The following ASTN2 variants were observed in gnomAD, a reference collection of about 807,000 sequenced individuals.
ASTN2 encodes astrotactin 2, also known as astrotactin-2.
In ASTN2, 54 loss-of-function variants were observed where a neutral mutation model predicts 139.8. The ratio of observed to expected loss-of-function variants is 0.39; its 90% CI spans 0.31 to 0.48. ASTN2 has a LOEUF of 0.48. Ranked by LOEUF, ASTN2 falls within the 20% of genes least tolerant of loss-of-function variation. ASTN2 has a pLI of 0.95. For missense variants in ASTN2, 1,565 were observed against 1,725.1 expected (o/e 0.91, Z 1.64); for synonymous variants, 756 against 719.5 (o/e 1.05, Z -0.81).
At chr9:117,377,923 G>C (rs1039452004) in intron 1 of ASTN2, among the ~76,000 whole-genome samples, 1 of 152,094 alleles carries the variant, frequency 6.6e-6, no homozygotes, top group Non-Finnish European at 1.5e-5. Context: ...CATACATGTG[G>C]CTATAATTAA....
At chr9:116,813,081 A>G (rs1831211207) in intron 12 of ASTN2, among the ~76,000 whole-genome samples, 1 of 152,154 alleles carries the variant, frequency 6.6e-6, no homozygotes, top group East Asian at 1.9e-4. Context: ...ACATTCTGTC[A>G]TCTGGGAGAT....
rs1316246232 is a variant in ASTN2, at chr9:116,675,935, G to A, written c.2807-24142C>T. On this transcript the variant is annotated intron_variant, in intron 16 of 22. Transcript: ENST00000313400. ...CTTTGCCAGGTTGACATTGCGTGCT[G>A]AACAAGGTGACTAATGTCTGTTTTG... Among the ~76,000 whole-genome samples the A allele has an allele frequency of 2.6e-5, 4 of 152,326 alleles. No homozygotes were observed. In the East Asian group the frequency reaches 7.7e-4, roughly 29 times the overall value.
chr9:117,165,177 A>G (rs1472176861), intron 3 of ASTN2, among the ~76,000 whole-genome samples: 8 of 151,710 alleles, frequency 5.3e-5, no homozygotes, highest in African/African-American at 1.9e-4. Flanking sequence ...TGCCTATTCC[A>G]TCCCTCTCCC....
rs377188702 is a variant in ASTN2 at position 116,425,708 on chromosome 9, G to A, written c.*143C>T. On this transcript the variant is annotated 3_prime_UTR_variant, in exon 23 of 23. Coordinates refer to ENST00000313400, the MANE Select transcript of ASTN2 (RefSeq NM_001365068.1). ...CTGTCCACTATCCACAGGAGAAACC[G>A]TTTGCTTTGGCCTTGCTGGCAAGCT... 9.2e-5 allele frequency: 148 copies of A among 1,606,874 alleles called. No homozygotes were observed. Among genetic ancestry groups the A allele is most frequent in the East Asian group, 1.1e-4 (5 of 44,696 alleles).
At chr9:116,486,741 T>C (rs1849351393) in intron 20 of ASTN2, among the ~76,000 whole-genome samples, 1 of 152,164 alleles carries the variant, frequency 6.6e-6, no homozygotes, top group Admixed American at 6.5e-5. Context: ...AAGTAACAAA[T>C]GAGCTCCTTT....
At chr9:117,058,798 A>G (rs1392125717) in intron 5 of ASTN2, among the ~76,000 whole-genome samples, 2 of 152,184 alleles carry the variant, frequency 1.3e-5, no homozygotes, top group Non-Finnish European at 2.9e-5. Flanking sequence ...GTACAGAAGA[A>G]TAGGGGGACA....
intron 12 of ASTN2, among the ~76,000 whole-genome samples, chr9:116,809,059 A>G (rs1831100242): frequency 6.6e-6 from 1 of 152,008 alleles, no homozygotes; most frequent in Admixed American, 6.6e-5. Context: ...CCTTCCATAT[A>G]TATTAAAATT....
chr9:116,869,663 G>A (rs570080506), intron 10 of ASTN2, among the ~76,000 whole-genome samples: 5 of 152,216 alleles, frequency 3.3e-5, no homozygotes, highest in African/African-American at 9.6e-5. Flanking sequence ...ACAGAGCTTG[G>A]CAAACTTTTC....
At chr9:116,979,996 A>G (rs1258106708) in intron 7 of ASTN2, among the ~76,000 whole-genome samples, 3 of 152,168 alleles carry the variant, frequency 2.0e-5, no homozygotes, top group African/African-American at 7.2e-5. Context: ...ACTGATGCTC[A>G]TTATACAACA....
At chr9:116,586,427 G>A (rs759354946) in intron 19 of ASTN2, 2 of 152,072 alleles carry the variant, frequency 1.3e-5, no homozygotes, top group Non-Finnish European at 2.9e-5. Flanking sequence ...TAAAGAAAAT[G>A]TAGTACATAC....
chr9:117,298,275 G>A (rs1164938328), intron 1 of ASTN2, among the ~76,000 whole-genome samples: 5 of 152,208 alleles, frequency 3.3e-5, no homozygotes, highest in Admixed American at 1.3e-4. Flanking sequence ...TTTATATAAC[G>A]TACCACATAT....
intron 1 of ASTN2, among the ~76,000 whole-genome samples, chr9:117,411,879 C>A (rs186510716): frequency 3.9e-5 from 6 of 152,156 alleles, no homozygotes; most frequent in Admixed American, 6.5e-5. Flanking sequence ...CAGAGACAAA[C>A]GTTAGGCAGG....
intron 7 of ASTN2, among the ~76,000 whole-genome samples, chr9:116,996,160 A>C (rs1438050182): frequency 1.3e-5 from 2 of 152,036 alleles, no homozygotes; most frequent in Non-Finnish European, 2.9e-5. Context: ...AAAGTGCTGG[A>C]TTACAAGTGT....
intron 3 of ASTN2, among the ~76,000 whole-genome samples, chr9:117,161,076 T>C (rs993145554): frequency 3.3e-5 from 5 of 152,058 alleles, no homozygotes; most frequent in African/African-American, 1.2e-4. Context: ...ATCTTATCTA[T>C]GTAATTGGTT....
intron 10 of ASTN2, among the ~76,000 whole-genome samples, chr9:116,966,363 C>T (rs1332550337): frequency 6.6e-6 from 1 of 152,168 alleles, no homozygotes; most frequent in Admixed American, 6.5e-5. Context: ...ATTCCAAAGT[C>T]TCCATTTCAG....
At chr9:117,283,779 G>A (rs1390215803) in intron 2 of ASTN2, among the ~76,000 whole-genome samples, 1 of 152,106 alleles carries the variant, frequency 6.6e-6, no homozygotes, top group African/African-American at 2.4e-5. Context: ...GTAACAGCTT[G>A]GCTTCTCCTA....
intron 12 of ASTN2, among the ~76,000 whole-genome samples, chr9:116,820,378 G>C (rs1831452664): frequency 6.6e-6 from 1 of 152,150 alleles, no homozygotes. Context: ...CTGGGCATGG[G>C]TTATATTTAT....
chr9:117,365,553 G>A (rs979218112), intron 1 of ASTN2, among the ~76,000 whole-genome samples: 1 of 152,100 alleles, frequency 6.6e-6, no homozygotes, highest in Non-Finnish European at 1.5e-5. Context: ...GGGCTCTGGA[G>A]AGCCCTTCCT....
intron 1 of ASTN2, among the ~76,000 whole-genome samples, chr9:117,334,168 G>T (rs1237514849): frequency 1.3e-5 from 2 of 152,176 alleles, no homozygotes; most frequent in African/African-American, 4.8e-5. Flanking sequence ...TCAGTAGGGG[G>T]CTACAGTTGG....
Sources: allele counts gnomAD v4.1 joint callset (sites outside exome capture counted in the v4.1 genomes callset), GRCh38; gene constraint gnomAD v4.1.1; transcripts MANE v1.5; gene names NCBI Gene and HGNC (gene_info 2026-07-23, HGNC 2026-07-21).